Variants in STK33 observed in about 807,000 individuals in gnomAD.
STK33 encodes the protein serine/threonine-protein kinase 33.
Under a neutral mutation model 58.0 loss-of-function variants are expected in STK33, and 52 were observed. The ratio of observed to expected loss-of-function variants is 0.90; its 90% confidence interval spans 0.72 to 1.13. The LOEUF (loss-of-function observed/expected upper bound fraction) is 1.13. Among genes scored for constraint, STK33 ranks in the 50% most tolerant of loss-of-function variants. STK33 has a pLI of 0.00. For synonymous variants in STK33, 215 were observed against 200.1 expected, an observed-to-expected ratio of 1.07 and a Z score of -0.63; for missense variants, 630 against 604.2, an observed-to-expected ratio of 1.04 and a Z score of -0.45.
chr11:8,416,824 T>C (rs1941198274), intron 14 of STK33, among the ~76,000 whole-genome samples: 1 of 152,146 alleles, frequency 6.6e-6, no homozygotes, highest in Admixed American at 6.6e-5. Context: ...TTTTAGCTCT[T>C]TGCCTCCTAT....
At chr11:8,564,727 T>G (rs1957339525) in intron 1 of STK33, among the ~76,000 whole-genome samples, 1 of 152,144 alleles carries the variant, frequency 6.6e-6, no homozygotes. Flanking sequence ...ACCTGTCACT[T>G]AGGTCAAAAA....
intron 14 of STK33, among the ~76,000 whole-genome samples, chr11:8,423,228 T>G (rs1254376731): frequency 6.6e-6 from 1 of 151,894 alleles, no homozygotes; most frequent in Non-Finnish European, 1.5e-5. Context: ...TGTTGATCTT[T>G]TCTATTCTAC....
chr11:8,440,775 A>T (rs1274607547), intron 11 of STK33, 22 bp from the exon 12 acceptor site: 1 of 1,541,716 alleles, frequency 6.5e-7, no homozygotes. Context: ...GCAGATATAA[A>T]ATAACATTAA....
At chr11:8,438,748 T>C (rs1027610117) in intron 12 of STK33, among the ~76,000 whole-genome samples, 6 of 152,172 alleles carry the variant, frequency 3.9e-5, no homozygotes, top group African/African-American at 2.4e-5. Flanking sequence ...TTAGATTATA[T>C]ATAGGATGTT....
intron 1 of STK33, among the ~76,000 whole-genome samples, chr11:8,523,843 G>A (rs1281153250): frequency 2.6e-5 from 4 of 152,238 alleles, no homozygotes; most frequent in Non-Finnish European, 5.9e-5. Flanking sequence ...TTGAGAATGG[G>A]CCATGATGAC....
chr11:8,459,278 G>A (rs565960341), intron 8 of STK33, among the ~76,000 whole-genome samples: 2 of 152,214 alleles, frequency 1.3e-5, no homozygotes, highest in African/African-American at 2.4e-5. Flanking sequence ...AACCAATCAG[G>A]TGGCAATTTC....
Position 8,392,623 on chromosome 11 carries a change from G to A in STK33, c.1432C>T (p.Pro478Ser). ...TCCATTTCTCCCTTGATTTCAGCTG[G>A]AAGGAGTTTGCTAGATGTGAAACTT... is the stretch of plus-strand genomic sequence containing the variant. The part of the protein sequence containing the change: ...SSSFTSSKLL[P>S]AEIKGEMEKT... The change falls in exon 16 of 16, where the codon CCA becomes TCA. Residue 478 changes from proline to serine, a missense_variant. Physicochemically the swap from Pro to Ser is moderately conservative, Grantham distance 74. Transcript: ENST00000687296. 6.2e-7 allele frequency: 1 copy of A among 1,614,224 alleles called. No individual in the cohort carries two copies.
chr11:8,504,671 G>A (rs890358810), intron 1 of STK33, among the ~76,000 whole-genome samples: 1 of 151,970 alleles, frequency 6.6e-6, no homozygotes, highest in Admixed American at 6.6e-5. Flanking sequence ...GCATGGTGGT[G>A]TGTGCCTGTA....
chr11:8,390,513 A>C (rs140636646), downstream of STK33, among the ~76,000 whole-genome samples: 26 of 152,346 alleles, frequency 1.7e-4, no homozygotes, highest in African/African-American at 5.8e-4. Flanking sequence ...CAAAGCTCAG[A>C]CATGGCCTGG....
intron 4 of STK33, among the ~76,000 whole-genome samples, chr11:8,476,434 A>G (rs1273524077): frequency 1.3e-5 from 2 of 152,214 alleles, no homozygotes; most frequent in Non-Finnish European, 2.9e-5. Context: ...GGTCCCAAAT[A>G]AACGTACTCT....
chr11:8,483,312 GAAGGC>G (rs1271803812), intron 1 of STK33, among the ~76,000 whole-genome samples: 1 of 152,094 alleles, frequency 6.6e-6, no homozygotes, highest in African/African-American at 2.4e-5. Flanking sequence ...GTTTCAATTT[GAAGGC>G]AAGAAAAATA....
At chr11:8,413,952 T>C (rs994482152) in intron 14 of STK33, among the ~76,000 whole-genome samples, 1 of 152,178 alleles carries the variant, frequency 6.6e-6, no homozygotes, top group African/African-American at 2.4e-5. Context: ...CAATGCAGCA[T>C]GCTTGTGCAA....
intron 1 of STK33, among the ~76,000 whole-genome samples, chr11:8,504,147 G>A (rs1397967400): frequency 6.6e-6 from 1 of 152,120 alleles, no homozygotes; most frequent in Non-Finnish European, 1.5e-5. Context: ...CAAAATAAGT[G>A]CAACAGACTA....
In STK33 at chr11:8,404,051, G is replaced by A. The variant is rs551048627; in HGVS notation, c.1344+9444C>T. Among the ~76,000 whole-genome samples, 26 of 152,252 alleles carry A rather than the reference G, an allele frequency of 1.7e-4. 1 individual carries two copies. In the South Asian group the frequency reaches 3.7e-3, roughly 22 times the overall value. On this transcript the variant is annotated intron_variant, in intron 15 of 15. Transcript: ENST00000687296. ...CACAAGGTCCAAATGACAAAATTCTGATATAAGTTTAATGCTATAGTTTTG... is the reference window on the plus strand; with the variant it reads ...CACAAGGTCCAAATGACAAAATTCTAATATAAGTTTAATGCTATAGTTTTG...
intron 1 of STK33, among the ~76,000 whole-genome samples, chr11:8,511,409 C>A (rs2139462288): frequency 6.6e-6 from 1 of 152,172 alleles, no homozygotes; most frequent in South Asian, 2.1e-4. Flanking sequence ...GGTATATGAT[C>A]ACATCATTGA....
chr11:8,587,716 T>G (rs2031935590), intron 1 of STK33, among the ~76,000 whole-genome samples: 1 of 152,184 alleles, frequency 6.6e-6, no homozygotes, highest in Non-Finnish European at 1.5e-5. Flanking sequence ...TTAAGGCCTC[T>G]TCTTGGGAAA....
intron 1 of STK33, among the ~76,000 whole-genome samples, chr11:8,532,079 T>C (rs1954600865): frequency 6.6e-6 from 1 of 152,196 alleles, no homozygotes; most frequent in Non-Finnish European, 1.5e-5. Flanking sequence ...GACTTTCCAA[T>C]TTTAGTGAGC....
At chr11:8,420,288 A>T (rs1160801083) in intron 14 of STK33, among the ~76,000 whole-genome samples, 1 of 152,196 alleles carries the variant, frequency 6.6e-6, no homozygotes, top group Non-Finnish European at 1.5e-5. Flanking sequence ...TAAAGTAGTC[A>T]ACTGTGTACC....
chr11:8,553,290 T>A (rs1234390186), intron 1 of STK33, among the ~76,000 whole-genome samples: 1 of 143,474 alleles, frequency 7.0e-6, no homozygotes, highest in African/African-American at 2.5e-5. Context: ...TATAAACCAG[T>A]AACATAATTG....
Sources: gnomAD v4.1 joint callset for allele counts (sites outside exome capture counted in the v4.1 genomes callset) on GRCh38, gnomAD v4.1.1 for gene constraint, MANE v1.5 for transcripts, NCBI Gene and HGNC (gene_info 2026-07-23, HGNC 2026-07-21) for gene names.